EXTL3: variants seen among roughly 807,000 people sequenced by gnomAD.
EXTL3 encodes the protein exostosin-like 3.
Under a neutral mutation model 69.3 loss-of-function variants are expected in EXTL3, and 27 were observed. That is an observed-to-expected ratio of 0.39 (90% CI 0.29 to 0.54). The LOEUF is 0.54. Among genes scored for constraint, EXTL3 ranks in the 20% least tolerant of loss-of-function variants. The probability of loss-of-function intolerance (pLI) is 0.69; values close to 1 mark genes in which losing one functional copy is unlikely to be tolerated. For missense variants in EXTL3, 1,003 were observed against 1,231.8 expected (o/e 0.81, Z 2.78); for synonymous variants, 511 against 499.4 (o/e 1.02, Z -0.31).
At position 28,737,562 on chromosome 8, in the gene EXTL3, C is replaced by T. The variant is rs1554487418; in HGVS notation, c.2320C>T (p.Arg774Cys). 1.2e-6 allele frequency: 2 copies of T among 1,613,922 alleles called. No homozygotes were observed. Among genetic ancestry groups the T allele is most frequent in the Admixed American group, 3.3e-5 (2 of 60,006 alleles). Residue 774 changes from arginine (R) to cysteine (C), a missense_variant, in exon 5 of 7, where the codon CGT becomes TGT. Around this residue, in one of 2 missense-constraint regions of EXTL3, gnomAD observed 261 missense variants for 416.4 expected, o/e 0.63. Transcript: ENST00000220562. ...ARDRIVGFPG[R>C]YHAWDIPHQS... Reference sequence around the variant, plus strand: ...GGACCGCATCGTGGGCTTCCCTGGCCGTTACCACGCATGGGACATCCCCCA... The same window carrying T: ...GGACCGCATCGTGGGCTTCCCTGGCTGTTACCACGCATGGGACATCCCCCA...
chr8:28,655,472 T>G (rs1806994341), intron 1 of EXTL3, among the ~76,000 whole-genome samples: 1 of 151,130 alleles, frequency 6.6e-6, no homozygotes, highest in South Asian at 2.1e-4. Context: ...TAATATACCT[T>G]GAGAATAAAA....
chr8:28,717,126 GCCTTCAGGAGGCCCGCT>G lies in EXTL3; in HGVS notation c.1073_1089del (p.Gln358ArgfsTer14). 1 of 1,614,258 alleles carries G rather than the reference GCCTTCAGGAGGCCCGCT, an allele frequency of 6.2e-7. No individual in the cohort carries two copies. Among genetic ancestry groups the G allele is most frequent in the Non-Finnish European group, 8.5e-7 (1 of 1,180,044 alleles). ...GAGAAGATTGAGTCTCTGAGGTCTAGCCTTCAGGAGGCCCGCTCCTTCGAAGAGGAAATGGAGGGCGA... is the reference window on the plus strand; with the variant it reads ...GAGAAGATTGAGTCTCTGAGGTCTAGCCTTCGAAGAGGAAATGGAGGGCGA... On this transcript the variant is annotated frameshift_variant, in exon 3 of 7. Coordinates refer to ENST00000220562, the MANE Select transcript of EXTL3 (RefSeq NM_001440.4). LOFTEE classifies it high-confidence loss of function. The surrounding 1 kb of genome is among the most constrained non-coding windows in gnomAD (Gnocchi z 8.3).
intron 1 of EXTL3, among the ~76,000 whole-genome samples, chr8:28,659,830 T>G (rs1338593776): frequency 6.6e-6 from 1 of 152,202 alleles, no homozygotes; most frequent in Non-Finnish European, 1.5e-5. Flanking sequence ...GAAAATGTCC[T>G]CAGTGTTTCT....
At chr8:28,660,682 A>G (rs954768275) in intron 1 of EXTL3, among the ~76,000 whole-genome samples, 3 of 151,966 alleles carry the variant, frequency 2.0e-5, no homozygotes, top group Non-Finnish European at 4.4e-5. Flanking sequence ...GAAACTCTGT[A>G]CCCACTAAAT....
intron 4 of EXTL3, among the ~76,000 whole-genome samples, chr8:28,735,876 G>A (rs779216888): frequency 9.2e-5 from 14 of 152,194 alleles, no homozygotes; most frequent in Admixed American, 2.0e-4. Flanking sequence ...CCAGAGCAGC[G>A]TTATTCGTAA....
intron 2 of EXTL3, among the ~76,000 whole-genome samples, chr8:28,713,752 A>G (rs1322771529): frequency 1.3e-5 from 2 of 152,190 alleles, no homozygotes; most frequent in South Asian, 2.1e-4. Flanking sequence ...TAGATTATCC[A>G]AATACTTAAA....
chr8:28,619,311 A>AAAAAAAAAAAAAAC (rs1478312916), upstream of EXTL3, among the ~76,000 whole-genome samples: 8 of 121,472 alleles, frequency 6.6e-5, no homozygotes, highest in Non-Finnish European at 1.1e-4. Context: ...AAAAAAAAAA[A>AAAAAAAAAAAAAAC]AAAACCCTGT....
At chr8:28,682,227 CTTG>C (rs1196139192) in intron 1 of EXTL3, among the ~76,000 whole-genome samples, 7 of 151,990 alleles carry the variant, frequency 4.6e-5, no homozygotes, top group African/African-American at 9.7e-5. Flanking sequence ...TATGTATATA[CTTG>C]TTGGCCATTT....
intron 1 of EXTL3, among the ~76,000 whole-genome samples, chr8:28,630,180 G>C (rs1806551615): frequency 6.6e-6 from 1 of 152,094 alleles, no homozygotes; most frequent in Admixed American, 6.6e-5. Context: ...TTCCCATGCT[G>C]CTCTCGTGAT....
intron 1 of EXTL3, among the ~76,000 whole-genome samples, chr8:28,679,637 C>T (rs1807449021): frequency 6.6e-6 from 1 of 151,470 alleles, no homozygotes; most frequent in Non-Finnish European, 1.5e-5. Flanking sequence ...GCAGGAGGAT[C>T]GCTTGAGCCC....
upstream of EXTL3, among the ~76,000 whole-genome samples, chr8:28,622,541 A>G (rs1170565100): frequency 7.7e-6 from 1 of 129,788 alleles, no homozygotes; most frequent in Non-Finnish European, 1.6e-5. Context: ...AAGGGCCGGG[A>G]GCCGACGCGG....
At chr8:28,624,184 T>C (rs1479632742) in intron 1 of EXTL3, among the ~76,000 whole-genome samples, 1 of 152,260 alleles carries the variant, frequency 6.6e-6, no homozygotes, top group East Asian at 1.9e-4. Context: ...TACTTTGCTC[T>C]GGAATTATCA....
rs1181803432 is a variant in EXTL3, at chr8:28,623,434, G to A, written c.-53+624G>A. Among the ~76,000 whole-genome samples the A allele has an allele frequency of 6.6e-6, 1 of 152,174 alleles. No homozygotes were observed. Among genetic ancestry groups the A allele is most frequent in the African/African-American group, 2.4e-5 (1 of 41,430 alleles). ...TTTGAGCTTTTCAAAAGTTAAGTTTGGCAGATTGGAAGCCCGGGAATAGGG... is the reference window on the plus strand; with the variant it reads ...TTTGAGCTTTTCAAAAGTTAAGTTTAGCAGATTGGAAGCCCGGGAATAGGG... On this transcript the variant is annotated intron_variant, in intron 1 of 6. Coordinates refer to the EXTL3 transcript ENST00000523149. The surrounding 1 kb of genome is among the most constrained non-coding windows in gnomAD (Gnocchi z 4.2).
chr8:28,649,516 C>T (rs1806884645), intron 1 of EXTL3, among the ~76,000 whole-genome samples: 1 of 152,166 alleles, frequency 6.6e-6, no homozygotes, highest in Non-Finnish European at 1.5e-5. Flanking sequence ...TTTGCACCTC[C>T]TCCTTGTTGA....
intron 2 of EXTL3, among the ~76,000 whole-genome samples, chr8:28,609,390 C>G (rs1301342538): frequency 6.6e-6 from 1 of 151,134 alleles, no homozygotes; most frequent in Non-Finnish European, 1.5e-5. Context: ...GGAGAGTGGA[C>G]TTGGGTGCAT....
At position 28,715,714 on chromosome 8, in the gene EXTL3, T is replaced by C. The variant is rs1445171799; in HGVS notation, c.-346T>C. The C allele has an allele frequency of 3.1e-6, 1 of 317,694 alleles. No homozygotes were observed. Among genetic ancestry groups the C allele is most frequent in the Non-Finnish European group, 5.9e-6 (1 of 169,892 alleles). The allele number at this position is 317,694 out of a possible 1,614,324, so 19.7% of individuals were successfully genotyped here. The stretch of plus-strand genomic sequence containing the variant: ...AAACCAAGAAACAAGAGCTATGGCA[T>C]TTGAAAAAGTCTGTCTGATTCCAGG... On this transcript the variant is annotated 5_prime_UTR_variant, in exon 3 of 7. Transcript: ENST00000220562.
At chr8:28,640,446 G>A (rs1806724811) in intron 1 of EXTL3, among the ~76,000 whole-genome samples, 1 of 152,138 alleles carries the variant, frequency 6.6e-6, no homozygotes, top group African/African-American at 2.4e-5. Context: ...TGACAGCTTA[G>A]GAAGGGGAGG....
chr8:28,617,482 A>G (rs1806344509), intron 2 of EXTL3, among the ~76,000 whole-genome samples: 1 of 152,192 alleles, frequency 6.6e-6, no homozygotes, highest in African/African-American at 2.4e-5. Context: ...TTCAGCCATA[A>G]AAAGAAATGA....
intron 1 of EXTL3, among the ~76,000 whole-genome samples, chr8:28,670,328 C>T (rs1405898969): frequency 1.3e-5 from 2 of 151,874 alleles, no homozygotes; most frequent in Non-Finnish European, 2.9e-5. Context: ...ATTTTTGGTC[C>T]AGTTCTGTAT....
Sources: gnomAD v4.1 joint callset for allele counts (sites outside exome capture counted in the v4.1 genomes callset) on GRCh38, gnomAD v4.1.1 for gene constraint, gnomAD v4.1.1 regional missense constraint, Gnocchi (gnomAD v3.1) non-coding constraint, MANE v1.5 for transcripts, NCBI Gene and HGNC (gene_info 2026-07-23, HGNC 2026-07-21) for gene names.